The following GLI2 variants were observed in gnomAD, a reference collection of about 807,000 sequenced individuals.
The protein encoded by GLI2 is GLI family zinc finger 2.
GLI2 carries 22 observed loss-of-function variants against 78.9 expected under a neutral mutation model. The observed-to-expected ratio is 0.28, with a 90% CI of 0.20 to 0.40. The LOEUF (loss-of-function observed/expected upper bound fraction) is 0.40. Ranked by LOEUF, GLI2 falls within the 10% of genes least tolerant of loss-of-function variation. The pLI is 1.00. For missense variants in GLI2, 2,097 were observed against 2,213.2 expected, an observed-to-expected ratio of 0.95 and a Z score of 1.05; for synonymous variants, 974 against 963.7, an observed-to-expected ratio of 1.01 and a Z score of -0.20.
At chr2:120,903,445 G>T (rs1323646120) in intron 2 of GLI2, among the ~76,000 whole-genome samples, 1 of 152,162 alleles carries the variant, frequency 6.6e-6, no homozygotes, top group African/African-American at 2.4e-5. Context: ...CCCTCCCCCT[G>T]AGAGCCCCCA....
intron 2 of GLI2, among the ~76,000 whole-genome samples, chr2:120,812,225 GA>G (rs755466049): frequency 3.1e-4 from 47 of 152,330 alleles, no homozygotes; most frequent in Admixed American, 8.5e-4. Context: ...GCAGGCTGAA[GA>G]GCGGGTTCAG....
intron 2 of GLI2, among the ~76,000 whole-genome samples, chr2:120,899,242 C>T (rs939248138): frequency 6.6e-6 from 1 of 152,062 alleles, no homozygotes; most frequent in Admixed American, 6.5e-5. Flanking sequence ...TACAAGCAGG[C>T]GTCTTGGTGG....
chr2:120,881,123 G>A (rs554406667), intron 2 of GLI2, among the ~76,000 whole-genome samples: 23 of 152,318 alleles, frequency 1.5e-4, no homozygotes, highest in African/African-American at 4.8e-4. Context: ...CACCCTTTCA[G>A]GCACACAGAG....
intron 2 of GLI2, among the ~76,000 whole-genome samples, chr2:120,872,138 G>A (rs552372072): frequency 8.5e-4 from 130 of 152,354 alleles, no homozygotes; most frequent in African/African-American, 3.0e-3. Context: ...TGTAGGAGGT[G>A]GAGTGACCTC....
chr2:120,793,008 T>C (rs1168230197), intron 1 of GLI2, among the ~76,000 whole-genome samples: 1 of 152,208 alleles, frequency 6.6e-6, no homozygotes, highest in Non-Finnish European at 1.5e-5. Context: ...CAGAAAGACT[T>C]GTGCAACTAA....
intron 2 of GLI2, among the ~76,000 whole-genome samples, chr2:120,845,744 C>T (rs1166675879): frequency 6.6e-6 from 1 of 152,196 alleles, no homozygotes; most frequent in Non-Finnish European, 1.5e-5. Context: ...ATGGATACCT[C>T]TGTTTCTGTG....
chr2:120,969,593 T>TC (rs1484331938), intron 6 of GLI2, among the ~76,000 whole-genome samples: 1 of 152,224 alleles, frequency 6.6e-6, no homozygotes, highest in African/African-American at 2.4e-5. Flanking sequence ...AATTGTTCTC[T>TC]CCCCCCATTT....
rs1682410591 is a variant in GLI2 at position 120,737,632 on chromosome 2, C to T, written c.-31+1347C>T. On this transcript the variant is annotated intron_variant, in intron 1 of 13. Coordinates refer to ENST00000361492, the MANE Select transcript of GLI2 (RefSeq NM_001374353.1). This position sits in a 1 kb window ranked among gnomAD's most constrained non-coding sequence, Gnocchi z 4.3. ...TCGGTGGCCGCAGCGGTGTCCCGGG[C>T]CCCCTCTCCGCCGCTCTTGCCGGGC... Among the ~76,000 whole-genome samples, 3 of 152,118 alleles carry T rather than the reference C, an allele frequency of 2.0e-5. No individual in the cohort carries two copies. Among genetic ancestry groups the T allele is most frequent in the Non-Finnish European group, 2.9e-5 (2 of 68,022 alleles).
intron 2 of GLI2, among the ~76,000 whole-genome samples, chr2:120,870,195 C>T (rs748729824): frequency 6.6e-6 from 1 of 152,162 alleles, no homozygotes; most frequent in African/African-American, 2.4e-5. Flanking sequence ...TTTCTTTCCT[C>T]CTGTACGCTG....
intron 5 of GLI2, among the ~76,000 whole-genome samples, chr2:120,961,437 G>A (rs932756020): frequency 6.6e-6 from 1 of 152,176 alleles, no homozygotes. Flanking sequence ...GAGCTGCTGT[G>A]TACAGGCACG....
In GLI2 at chr2:120,989,310, G is replaced by A. The variant is rs778690909; in HGVS notation, c.3345G>A (p.Gly1115=). The A allele has an allele frequency of 3.1e-6, 5 of 1,612,956 alleles. No individual in the cohort carries two copies. The Admixed American group carries it at 5.0e-5, about 16-fold the overall frequency. The change falls in exon 14 of 14, where the codon GGG becomes GGA. Residue 1115 remains glycine, a synonymous_variant. Transcript: ENST00000361492. ...TGGGAGGATGCCAGTTAGGCTTTGG[G>A]GCGCCCTCCAGCCTGAACAAAAATA... The part of the protein sequence containing the change: ...PMLGGCQLGF[G]APSSLNKNNM...
At chr2:120,755,240 C>G (rs1683006122) in intron 1 of GLI2, among the ~76,000 whole-genome samples, 1 of 152,204 alleles carries the variant, frequency 6.6e-6, no homozygotes, top group African/African-American at 2.4e-5. Context: ...AGTTCCATTC[C>G]TACCACATCC....
At chr2:120,947,430 A>G (rs1429838573) in intron 3 of GLI2, among the ~76,000 whole-genome samples, 1 of 152,178 alleles carries the variant, frequency 6.6e-6, no homozygotes, top group Admixed American at 6.5e-5. Flanking sequence ...AGTCAGCCCT[A>G]CCCTGGGGAG....
chr2:120,801,023 C>A, intron 2 of GLI2, among the ~76,000 whole-genome samples: 1 of 152,324 alleles, frequency 6.6e-6, no homozygotes, highest in Non-Finnish European at 1.5e-5. Context: ...CATGCAGCCT[C>A]CCCCACCCCT....
chr2:120,766,165 G>A (rs1180735004), intron 1 of GLI2, among the ~76,000 whole-genome samples: 3 of 152,196 alleles, frequency 2.0e-5, no homozygotes, highest in Non-Finnish European at 2.9e-5. Flanking sequence ...TCTTCAGCAT[G>A]TCTGCAGCCA....
intron 2 of GLI2, among the ~76,000 whole-genome samples, chr2:120,862,192 G>C (rs1687933244): frequency 6.6e-6 from 1 of 152,210 alleles, no homozygotes; most frequent in African/African-American, 2.4e-5. Context: ...TCGCATAGAG[G>C]GCAGATGTCT....
chr2:120,788,156 A>T (rs762598982), intron 1 of GLI2, among the ~76,000 whole-genome samples: 4 of 152,216 alleles, frequency 2.6e-5, no homozygotes, highest in African/African-American at 9.6e-5. Flanking sequence ...ATTCTTGTCG[A>T]CAGTTCCTGA....
chr2:120,927,211 T>C (rs1047889313), intron 2 of GLI2, 150 bp from the exon 3 acceptor site: 4 of 736,714 alleles, frequency 5.4e-6, no homozygotes, highest in Non-Finnish European at 1.0e-5. Context: ...TCATCCCCCT[T>C]CGTGGGTGTG....
At chr2:120,903,555 C>G (rs1558870585) in intron 2 of GLI2, among the ~76,000 whole-genome samples, 1 of 152,192 alleles carries the variant, frequency 6.6e-6, no homozygotes, top group East Asian at 1.9e-4. Flanking sequence ...TTTGGCATAA[C>G]CACAGGCAGG....
Sources: allele counts gnomAD v4.1 joint callset (sites outside exome capture counted in the v4.1 genomes callset), GRCh38; gene constraint gnomAD v4.1.1; non-coding constraint Gnocchi (gnomAD v3.1); transcripts MANE v1.5; gene names NCBI Gene and HGNC (gene_info 2026-07-23, HGNC 2026-07-21).